ATP6V1B2: variants seen among roughly 807,000 people sequenced by gnomAD.
ATP6V1B2 encodes the protein ATPase H+ transporting V1 subunit B2.
In ATP6V1B2, 23 loss-of-function variants were observed where a neutral mutation model predicts 66.7. The ratio of observed to expected loss-of-function variants is 0.34; its 90% CI spans 0.25 to 0.49. The LOEUF is 0.49. ATP6V1B2 is among the 20% of genes least tolerant of loss of function. The probability of loss-of-function intolerance (pLI) is 0.99; values close to 1 mark genes in which losing one functional copy is unlikely to be tolerated. For missense variants in ATP6V1B2, 478 were observed against 650.8 expected, an observed-to-expected ratio of 0.73 and a Z score of 2.89; for synonymous variants, 278 against 236.7, an observed-to-expected ratio of 1.17 and a Z score of -1.60.
At chr8:20,215,110 C>A in intron 10 of ATP6V1B2, 142 bp downstream of exon 10, 1 of 960,792 alleles carries the variant, frequency 1.0e-6, no homozygotes, top group Non-Finnish European at 1.4e-6. Context: ...AAACATTTTT[C>A]ATTTGAAAAT....
intron 12 of ATP6V1B2, among the ~76,000 whole-genome samples, 154 bp from the exon 13 acceptor site, chr8:20,217,999 T>G (rs1585254969): frequency 6.6e-6 from 1 of 152,230 alleles, no homozygotes; most frequent in East Asian, 1.9e-4. Flanking sequence ...ATATAGTCCT[T>G]CTGGTACTTT....
At position 20,209,646 on chromosome 8, in the gene ATP6V1B2, G is replaced by A; in HGVS notation, c.291+115G>A. The A allele has an allele frequency of 4.1e-6, 4 of 977,356 alleles. 1 individual carries two copies. The Admixed American group carries it at 9.5e-5, about 23-fold the overall frequency. The allele number at this position is 977,356 out of a possible 1,614,324, so 60.5% of individuals were successfully genotyped here. A position where few individuals can be genotyped will look rare whatever the true frequency, so the allele number is the denominator to read the frequency against. On this transcript the variant is annotated intron_variant, in intron 3 of 13. Transcript: ENST00000276390. ...GTGTTTTTAGAGTCTTTAGAGATTG[G>A]TTACCGGCTGCAGGGAAAGAAACTA... is the stretch of plus-strand genomic sequence containing the variant.
intron 1 of ATP6V1B2, among the ~76,000 whole-genome samples, chr8:20,203,260 C>T (rs1359886942): frequency 6.6e-6 from 1 of 152,164 alleles, no homozygotes; most frequent in African/African-American, 2.4e-5. Context: ...TGTATTCAAG[C>T]AAATATGTGA....
Position 20,211,713 on chromosome 8 carries a change from A to G in ATP6V1B2, c.665A>G (p.Tyr222Cys), listed in dbSNP as rs763412091. The G allele has an allele frequency of 1.9e-6, 3 of 1,612,376 alleles. No homozygotes were observed. Among genetic ancestry groups the G allele is most frequent in the Non-Finnish European group, 2.5e-6 (3 of 1,179,474 alleles). Residue 222 changes from tyrosine to cysteine, a missense_variant, in exon 7 of 14, where the codon TAC (tyrosine) becomes TGC (cysteine). By Grantham distance (194) the Tyr-to-Cys change is radical (BLOSUM62 -2). This residue lies in a region of ATP6V1B2 where 326 missense variants were observed against 545.6 expected (regional missense o/e 0.60). Coordinates refer to ENST00000276390, the MANE Select transcript of ATP6V1B2 (RefSeq NM_001693.4). ...AAGAAATCCAAAGATGTAGTAGACT[A>G]CAGTGAGGAAAATTTTGCAATTGTA... ...LVKKSKDVVD[Y>C]SEENFAIVFA...
In ATP6V1B2 at chr8:20,221,186, A is replaced by G. The variant is rs796365501; in HGVS notation, c.*784A>G. The G allele has an allele frequency of 2.0e-4, 30 of 152,320 alleles. No individual in the cohort carries two copies. The highest frequency in any genetic ancestry group is 7.2e-4 in the African/African-American group (30 of 41,552). 9.4% of individuals were successfully genotyped at this position (152,320 alleles called of 1,614,324 possible). On this transcript the variant is annotated 3_prime_UTR_variant, in exon 14 of 14. Transcript: ENST00000276390. ...TTGTTTGGGGTACAAGATGAGAAGAAAGAAAAACCTACAGCCTTTCTACAT... is the reference window on the plus strand; with the variant it reads ...TTGTTTGGGGTACAAGATGAGAAGAGAGAAAAACCTACAGCCTTTCTACAT...
At chr8:20,204,618 T>G in intron 2 of ATP6V1B2, 79 bp downstream of exon 2, 2 of 1,289,476 alleles carry the variant, frequency 1.6e-6, no homozygotes, top group Non-Finnish European at 1.1e-6. Flanking sequence ...CTTTAAATTT[T>G]TGTTATGATT....
At chr8:20,215,157 A>G in intron 10 of ATP6V1B2, 189 bp downstream of exon 10, 1 of 615,562 alleles carries the variant, frequency 1.6e-6, no homozygotes, top group Non-Finnish European at 2.5e-6. Flanking sequence ...AGGAAAAGCA[A>G]TTTTCTTCAT....
At chr8:20,216,949 G>A (rs1476556661) in intron 11 of ATP6V1B2, 1 of 385,686 alleles carries the variant, frequency 2.6e-6, no homozygotes, top group Non-Finnish European at 4.7e-6. Context: ...TTATCAAACA[G>A]ATGTTGAAAG....
chr8:20,208,384 T>C (rs2072758905), intron 2 of ATP6V1B2, among the ~76,000 whole-genome samples: 1 of 152,246 alleles, frequency 6.6e-6, no homozygotes. Flanking sequence ...CAAAGGGTCT[T>C]AAAGCAATGG....
chr8:20,212,316 T>G, intron 8 of ATP6V1B2, 117 bp downstream of exon 8: 1 of 943,948 alleles, frequency 1.1e-6, no homozygotes, highest in South Asian at 1.5e-5. Context: ...GAGGTAACCC[T>G]GTATTTAAAG....
chr8:20,212,958 G>T (rs547345861), intron 9 of ATP6V1B2, 53 bp downstream of exon 9: 12 of 1,606,928 alleles, frequency 7.5e-6, no homozygotes, highest in South Asian at 1.1e-5. Context: ...AATTTTCAGG[G>T]TTAACTTGTC....
In ATP6V1B2 at chr8:20,218,119, T is replaced by G. The variant is rs768724516; in HGVS notation, c.1267-34T>G. On this transcript the variant is annotated intron_variant, in intron 12 of 13. Transcript: ENST00000276390. ...CAGATGACTGAACATTTTGAGAGCT[T>G]CTCTCTGCTGATGGGTGCCTTTCTT... The G allele has an allele frequency of 6.2e-6, 10 of 1,605,990 alleles. No homozygotes were observed. In the East Asian group the frequency reaches 2.0e-4, roughly 32 times the overall value.
At chr8:20,211,527 A>G (rs1323113376) in intron 6 of ATP6V1B2, 125 bp from the exon 7 acceptor site, 3 of 1,271,476 alleles carry the variant, frequency 2.4e-6, no homozygotes, top group South Asian at 1.4e-5. Context: ...GTTTTGTTGA[A>G]TGAATACCCT....
rs1431058881 is a variant in ATP6V1B2, at chr8:20,220,455, T to C, written c.*53T>C. 6 of 1,492,444 alleles carry C rather than the reference T, an allele frequency of 4.0e-6. No homozygotes were observed. The highest frequency in any genetic ancestry group is 1.4e-5 in the African/African-American group (1 of 69,152). The allele number at this position is 1,492,444 out of a possible 1,614,324, so 92.5% of individuals were successfully genotyped here. On this transcript the variant is annotated 3_prime_UTR_variant, in exon 14 of 14. Coordinates refer to ENST00000276390, the MANE Select transcript of ATP6V1B2 (RefSeq NM_001693.4). The stretch of plus-strand genomic sequence containing the variant: ...TTGTGAAATACTGGTTCTGTTTTCT[T>C]TATTCCTTTTGCACTCTCGGTTCCC...
intron 13 of ATP6V1B2, among the ~76,000 whole-genome samples, chr8:20,218,798 C>A (rs1457282461): frequency 6.6e-6 from 1 of 152,146 alleles, no homozygotes; most frequent in Non-Finnish European, 1.5e-5. Flanking sequence ...TACCCACTGT[C>A]CAGACCTCTG....
intron 2 of ATP6V1B2, among the ~76,000 whole-genome samples, chr8:20,209,134 A>G (rs1291990791): frequency 6.6e-6 from 1 of 152,212 alleles, no homozygotes; most frequent in Admixed American, 6.5e-5. Flanking sequence ...ACTTTTCTGT[A>G]GCCTCAAAAC....
intron 8 of ATP6V1B2, 137 bp from the exon 9 acceptor site, chr8:20,212,645 A>G: frequency 3.1e-6 from 4 of 1,270,210 alleles, no homozygotes; most frequent in Non-Finnish European, 4.3e-6. Flanking sequence ...TTTGTAAAAT[A>G]ACAACTGCTT....
At chr8:20,212,992 T>C (rs914804264) in intron 9 of ATP6V1B2, 87 bp downstream of exon 9, 12 of 1,547,438 alleles carry the variant, frequency 7.8e-6, no homozygotes, top group African/African-American at 1.4e-5. Flanking sequence ...TCATTCTTTA[T>C]GGTTTTTTAA....
rs2072898420 is a variant in ATP6V1B2, at chr8:20,220,657, G to GT, written c.*256dup. On this transcript the variant is annotated 3_prime_UTR_variant, in exon 14 of 14. Transcript: ENST00000276390. ...GATGGAGTGGCGTTTTCTTATTGCT[G>GT]TATGTATTGTACATAGTGGAGTAGT... is the stretch of plus-strand genomic sequence containing the variant. The GT allele has an allele frequency of 2.4e-6, 1 of 408,982 alleles. No individual in the cohort carries two copies. 25.3% of individuals were successfully genotyped at this position (408,982 alleles called of 1,614,324 possible). A position where few individuals can be genotyped will look rare whatever the true frequency, so the allele number is the denominator to read the frequency against.
Sources: allele counts gnomAD v4.1 joint callset (sites outside exome capture counted in the v4.1 genomes callset), GRCh38; gene constraint gnomAD v4.1.1; regional missense constraint gnomAD v4.1.1; transcripts MANE v1.5; gene names NCBI Gene and HGNC (gene_info 2026-07-23, HGNC 2026-07-21).